The following TMEM59L variants were observed in gnomAD, a reference collection of about 807,000 sequenced individuals.
TMEM59L encodes transmembrane protein 59 like.
Under a neutral mutation model 39.6 loss-of-function variants are expected in TMEM59L, and 31 were observed. The observed-to-expected ratio is 0.78, with a 90% CI of 0.59 to 1.06. The LOEUF is 1.06. Among genes scored for constraint, TMEM59L ranks in the 50% least tolerant of loss-of-function variants. The probability of loss-of-function intolerance (pLI) is 0.00; values close to 1 mark genes in which losing one functional copy is unlikely to be tolerated. For synonymous variants in TMEM59L, 219 were observed against 202.9 expected (o/e 1.08, Z -0.68); for missense variants, 441 against 451.3 (o/e 0.98, Z 0.21).
chr19:18,616,410 G>C (rs1163636671), intron 4 of TMEM59L, among the ~76,000 whole-genome samples: 1 of 105,470 alleles, frequency 9.5e-6, no homozygotes. Context: ...TTGTTGTTTT[G>C]AGATGGACTC....
rs1182701814 is a variant in TMEM59L, at chr19:18,618,223, G to A, written c.733G>A (p.Val245Met). 3.1e-6 allele frequency: 5 copies of A among 1,613,028 alleles called. No homozygotes were observed. The highest frequency in any genetic ancestry group is 1.1e-5 in the South Asian group (1 of 91,046). ...AGTCAAGACCAGCAGCAAGGCCAAG[G>A]TGGAGTCTGAAGAGCCACAGGACAA... ...IRVKTSSKAKVESEEPQDNDF... is the reference protein window; with the variant it reads ...IRVKTSSKAKMESEEPQDNDF... Residue 245 changes from valine to methionine, a missense_variant, in exon 6 of 8, where the codon GTG becomes ATG. Coordinates refer to ENST00000262817, the MANE Select transcript of TMEM59L (RefSeq NM_012109.3).
chr19:18,614,999 T>C (rs1976412639), intron 3 of TMEM59L, among the ~76,000 whole-genome samples: 1 of 152,186 alleles, frequency 6.6e-6, no homozygotes, highest in Non-Finnish European at 1.5e-5. Context: ...TATTTATTTT[T>C]TGAGATGAAG....
intron 7 of TMEM59L, among the ~76,000 whole-genome samples, chr19:18,618,776 C>G (rs1976462621): frequency 6.6e-6 from 1 of 150,590 alleles, no homozygotes; most frequent in Admixed American, 6.7e-5. Context: ...CTCACTGCAA[C>G]CTCCACCTCC....
chr19:18,616,206 C>G, intron 4 of TMEM59L, 79 bp downstream of exon 4: 1 of 1,557,650 alleles, frequency 6.4e-7, no homozygotes, highest in Non-Finnish European at 8.8e-7. Context: ...TGGCTCTTAG[C>G]TCATGAGATG....
intron 3 of TMEM59L, among the ~76,000 whole-genome samples, chr19:18,615,769 G>T (rs1976420396): frequency 6.6e-6 from 1 of 152,118 alleles, no homozygotes; most frequent in Non-Finnish European, 1.5e-5. Flanking sequence ...CATCATGCCT[G>T]GCTAATTTTT....
At chr19:18,615,781 T>C (rs1283149211) in intron 3 of TMEM59L, among the ~76,000 whole-genome samples, 194 bp from the exon 4 acceptor site, 2 of 152,174 alleles carry the variant, frequency 1.3e-5, no homozygotes, top group Non-Finnish European at 2.9e-5. Flanking sequence ...CTAATTTTTG[T>C]ATTTTTAGTA....
intron 7 of TMEM59L, 48 bp from the exon 8 acceptor site, chr19:18,620,360 C>T (rs200168786): frequency 2.7e-4 from 423 of 1,547,188 alleles, no homozygotes; most frequent in Admixed American, 3.1e-4. Flanking sequence ...GTTGGGGGCT[C>T]GGCCTCTCCC....
chr19:18,618,299 AG>A (rs779803230), intron 6 of TMEM59L, 27 bp downstream of exon 6: 8 of 94,458 alleles, frequency 8.5e-5, no homozygotes, highest in South Asian at 2.7e-4. Context: ...TGGGGGTGGG[AG>A]GGGGGTGGGA....
rs1329394300 is a variant in TMEM59L at position 18,616,099 on chromosome 19, C to A, written c.533C>A (p.Thr178Asn). The A allele has an allele frequency of 1.2e-6, 2 of 1,614,000 alleles. No homozygotes were observed. The highest frequency in any genetic ancestry group is 1.3e-5 in the African/African-American group (1 of 74,934). The change falls in exon 4 of 8, where the codon ACT becomes AAT. Residue 178 changes from threonine to asparagine, a missense_variant. By Grantham distance (65) the Thr-to-Asn change is moderately conservative. Transcript: ENST00000262817. Reference protein sequence around the residue: ...VSSTWTYYLQTDNGKVVVFQT... With the variant: ...VSSTWTYYLQNDNGKVVVFQT... ...TCCACCTGGACATACTACTTGCAGA[C>A]TGACAATGGGAAAGTGGTGGTGTTT...
chr19:18,618,994 C>CTA (rs991378990), intron 7 of TMEM59L, among the ~76,000 whole-genome samples: 4 of 151,476 alleles, frequency 2.6e-5, no homozygotes, highest in Non-Finnish European at 5.9e-5. Flanking sequence ...CGCGCCCGGC[C>CTA]TATATATATA....
rs7258375 is a variant in TMEM59L at position 18,620,629 on chromosome 19, C to G, written c.*93C>G. On this transcript the variant is annotated 3_prime_UTR_variant, in exon 8 of 8. Transcript: ENST00000262817. ...AGTCCAAGGGCAGGGTGGGTCCAGC[C>G]TTGAGCCCCTCCACCCCCAAATCCT... is the stretch of plus-strand genomic sequence containing the variant. 0.21 allele frequency: 308,673 copies of G among 1,472,130 alleles called. 34,533 individuals are homozygous for G. Among genetic ancestry groups the G allele is most frequent in the Middle Eastern group, 0.33 (1,447 of 4,450 alleles). 91.2% of individuals were successfully genotyped at this position (1,472,130 alleles called of 1,614,324 possible).
At chr19:18,613,158 C>G in intron 1 of TMEM59L, 29 bp downstream of exon 1, 2 of 1,244,792 alleles carry the variant, frequency 1.6e-6, no homozygotes, top group Non-Finnish European at 2.0e-6. Flanking sequence ...CAGGTGCCAG[C>G]GGGGGACGCG....
chr19:18,614,224 C>T (rs1367595910), intron 3 of TMEM59L, 29 bp downstream of exon 3: 1 of 1,559,316 alleles, frequency 6.4e-7, no homozygotes, highest in Middle Eastern at 1.7e-4. Context: ...CCTGGGGTCC[C>T]TTTTCCCAAT....
chr19:18,618,789 G>C (rs964578308), intron 7 of TMEM59L, among the ~76,000 whole-genome samples: 4 of 150,846 alleles, frequency 2.7e-5, no homozygotes, highest in Non-Finnish European at 5.9e-5. Context: ...CCACCTCCTG[G>C]GTTCAAGCAA....
In TMEM59L at chr19:18,620,701, G is replaced by A. The variant is rs564852734; in HGVS notation, c.*165G>A. 20 of 1,031,942 alleles carry A rather than the reference G, an allele frequency of 1.9e-5. No individual in the cohort carries two copies. The highest frequency in any genetic ancestry group is 1.3e-4 in the African/African-American group (8 of 61,884). The allele number at this position is 1,031,942 out of a possible 1,614,324, so 63.9% of individuals were successfully genotyped here. On this transcript the variant is annotated 3_prime_UTR_variant, in exon 8 of 8. Transcript: ENST00000262817. The stretch of plus-strand genomic sequence containing the variant: ...CCTTGCCCCACGGAGTCCTGGGGAC[G>A]CAGTGCCCCAGCTGGGAAGAGGGCG...
chr19:18,618,060 T>C lies in TMEM59L; in HGVS notation c.665-95T>C, dbSNP rs1976450342. 3 of 891,616 alleles carry C rather than the reference T, an allele frequency of 3.4e-6. No individual in the cohort carries two copies. The South Asian group carries it at 4.3e-5, about 13-fold the overall frequency. 55.2% of individuals were successfully genotyped at this position (891,616 alleles called of 1,614,324 possible). A position where few individuals can be genotyped will look rare whatever the true frequency, so the allele number is the denominator to read the frequency against. ...GGCTCTGATCTCCATTCCAGGACTCTATGCCCCAGGTCCTGACCTCCTCCC... is the reference window on the plus strand; with the variant it reads ...GGCTCTGATCTCCATTCCAGGACTCCATGCCCCAGGTCCTGACCTCCTCCC... On this transcript the variant is annotated intron_variant, in intron 5 of 7. Transcript: ENST00000262817.
chr19:18,615,045 C>A (rs1388902627), intron 3 of TMEM59L, among the ~76,000 whole-genome samples: 1 of 152,140 alleles, frequency 6.6e-6, no homozygotes, highest in Non-Finnish European at 1.5e-5. Context: ...TGCAGTGGTA[C>A]AATCTTGGCT....
chr19:18,618,086 T>C, intron 5 of TMEM59L, 69 bp from the exon 6 acceptor site: 1 of 1,238,262 alleles, frequency 8.1e-7, no homozygotes, highest in Non-Finnish European at 1.2e-6. Flanking sequence ...ACCTCCTCCC[T>C]CCTGGTCATG....
chr19:18,616,048 T>C lies in TMEM59L; in HGVS notation c.482T>C (p.Val161Ala). Residue 161 changes from valine to alanine, a missense_variant, in exon 4 of 8, where the codon GTC becomes GCC. Val to Ala is a moderately conservative substitution (Grantham distance 64). Transcript: ENST00000262817. ...TTTTCCACCCTCTGCAATGACCTTGTCAACTCAGCCCAGGGATTTGTCTCC... is the reference window on the plus strand; with the variant it reads ...TTTTCCACCCTCTGCAATGACCTTGCCAACTCAGCCCAGGGATTTGTCTCC... ...DLFSTLCNDL[V>A]NSAQGFVSST... 1 of 1,614,158 alleles carries C rather than the reference T, an allele frequency of 6.2e-7. No homozygotes were observed. Among genetic ancestry groups the C allele is most frequent in the South Asian group, 1.1e-5 (1 of 91,080 alleles).
Sources: allele counts gnomAD v4.1 joint callset (sites outside exome capture counted in the v4.1 genomes callset), GRCh38; gene constraint gnomAD v4.1.1; transcripts MANE v1.5; gene names NCBI Gene and HGNC (gene_info 2026-07-23, HGNC 2026-07-21).